The following ZPBP variants were observed in gnomAD, a reference collection of about 807,000 sequenced individuals.
ZPBP encodes zona pellucida binding protein.
Under a neutral mutation model 44.8 loss-of-function variants are expected in ZPBP, and 26 were observed. The ratio of observed to expected loss-of-function variants is 0.58; its 90% CI spans 0.43 to 0.81. The LOEUF is 0.81. ZPBP is among the 30% of genes least tolerant of loss of function. The pLI, the probability that ZPBP is intolerant of heterozygous loss-of-function variation, is 0.00. For synonymous variants in ZPBP, 174 were observed against 153.2 expected (o/e 1.14, Z -1.00); for missense variants, 409 against 434.0 (o/e 0.94, Z 0.51).
intron 6 of ZPBP, among the ~76,000 whole-genome samples, chr7:49,999,552 G>A (rs2128793646): frequency 6.6e-6 from 1 of 152,262 alleles, no homozygotes; most frequent in South Asian, 2.1e-4. Context: ...AGAAAAGCCA[G>A]TGGTGTAAAT....
At position 50,089,647 on chromosome 7, in the gene ZPBP, C is replaced by T; in HGVS notation, c.190G>A (p.Gly64Arg). 1 of 1,609,568 alleles carries T rather than the reference C, an allele frequency of 6.2e-7. No homozygotes were observed. Among genetic ancestry groups the T allele is most frequent in the Non-Finnish European group, 8.5e-7 (1 of 1,177,546 alleles). Residue 64 changes from glycine (G) to arginine (R), a missense_variant, in exon 2 of 8, where the codon GGA becomes AGA. By Grantham distance (125) the Gly-to-Arg change is moderately radical (BLOSUM62 -2). This residue lies in a region of ZPBP where 367 missense variants were observed against 363.1 expected (regional missense o/e 1.01). Transcript: ENST00000046087. Reference sequence around the variant, plus strand: ...TGAATACCTGGAAAACTTGTTGATCCCACTATTTTCACTGAATCTTTGGTC... The same window carrying T: ...TGAATACCTGGAAAACTTGTTGATCTCACTATTTTCACTGAATCTTTGGTC... ...RLTKDSVKIV[G>R]STSFPVKAYV...
intron 4 of ZPBP, among the ~76,000 whole-genome samples, chr7:50,036,345 T>C (rs148873670): frequency 0.024 from 3,658 of 152,182 alleles, 272 homozygotes; most frequent in Admixed American, 0.15. Flanking sequence ...AGAGACAGGG[T>C]TTCATCATAT....
chr7:49,907,829 T>C (rs760235866), intron 1 of ZPBP, among the ~76,000 whole-genome samples: 2 of 152,132 alleles, frequency 1.3e-5, no homozygotes, highest in Non-Finnish European at 2.9e-5. Flanking sequence ...CTGGAATCAA[T>C]AGAAAGGAAT....
intron 7 of ZPBP, among the ~76,000 whole-genome samples, chr7:49,970,965 G>C (rs1158369695): frequency 6.6e-6 from 1 of 152,062 alleles, no homozygotes; most frequent in Non-Finnish European, 1.5e-5. Context: ...GATCACTTGA[G>C]CCCAGGGGGT....
intron 6 of ZPBP, among the ~76,000 whole-genome samples, chr7:49,990,485 C>T (rs1173001079): frequency 7.9e-5 from 12 of 152,178 alleles, no homozygotes; most frequent in South Asian, 2.1e-4. Flanking sequence ...TGGGATGAGT[C>T]GCTCCCCTCT....
chr7:49,945,725 G>C (rs942364967), intron 7 of ZPBP, among the ~76,000 whole-genome samples: 17 of 151,798 alleles, frequency 1.1e-4, no homozygotes, highest in African/African-American at 4.1e-4. Context: ...CTATGTGTGT[G>C]TCCGTCTGGG....
intron 7 of ZPBP, among the ~76,000 whole-genome samples, chr7:49,976,974 C>T (rs565648423): frequency 6.2e-4 from 94 of 151,998 alleles, no homozygotes; most frequent in South Asian, 1.5e-3. Flanking sequence ...CGGTGGTGGG[C>T]GCCTGTAGTC....
chr7:50,034,741 A>G (rs1799752520), intron 4 of ZPBP, among the ~76,000 whole-genome samples: 2 of 152,200 alleles, frequency 1.3e-5, no homozygotes, highest in Non-Finnish European at 2.9e-5. Context: ...GATTCATTCA[A>G]TAAGATATGG....
intron 2 of ZPBP, among the ~76,000 whole-genome samples, chr7:49,851,338 T>C (rs1790172087): frequency 6.6e-6 from 1 of 152,210 alleles, no homozygotes; most frequent in African/African-American, 2.4e-5. Flanking sequence ...GCCTCATTCA[T>C]GGGTTCTCAG....
intron 1 of ZPBP, chr7:49,919,526 T>G (rs893934290): frequency 6.6e-6 from 1 of 152,180 alleles, no homozygotes; most frequent in Admixed American, 6.5e-5. Flanking sequence ...AGTTATACTC[T>G]GCAGTATACC....
intron 7 of ZPBP, among the ~76,000 whole-genome samples, chr7:49,982,234 AATATAATTATATT>A (rs1385854974): frequency 2.8e-5 from 3 of 106,038 alleles, no homozygotes; most frequent in Non-Finnish European, 5.3e-5. Flanking sequence ...TATAATATAT[AATATAATTATATT>A]ATATATTTAT....
At chr7:49,906,430 G>C (rs1393216475) in intron 1 of ZPBP, among the ~76,000 whole-genome samples, 2 of 152,158 alleles carry the variant, frequency 1.3e-5, no homozygotes, top group Non-Finnish European at 2.9e-5. Flanking sequence ...CTGCCTCCTG[G>C]GTTCACGCCA....
intron 6 of ZPBP, among the ~76,000 whole-genome samples, chr7:49,994,802 T>C (rs1797743471): frequency 6.6e-6 from 1 of 152,170 alleles, no homozygotes; most frequent in African/African-American, 2.4e-5. Context: ...ACATGGCACA[T>C]AAGCTTGTAC....
intron 1 of ZPBP, among the ~76,000 whole-genome samples, chr7:49,911,689 G>C (rs1031611396): frequency 6.6e-6 from 1 of 151,788 alleles, no homozygotes; most frequent in Non-Finnish European, 1.5e-5. Context: ...TTGAAGTCAG[G>C]AGTTCAAGAC....
intron 1 of ZPBP, among the ~76,000 whole-genome samples, chr7:49,903,999 G>T (rs1377024666): frequency 2.0e-5 from 3 of 152,108 alleles, no homozygotes; most frequent in African/African-American, 4.8e-5. Flanking sequence ...GGGAAGGCTG[G>T]TCACCCCACC....
rs531849648 is a variant in ZPBP, at chr7:50,009,023, C to G, written c.783+9217G>C. On this transcript the variant is annotated intron_variant, in intron 6 of 7. Transcript: ENST00000046087. The stretch of plus-strand genomic sequence containing the variant: ...CCAAGCTGTGTGGATCACCTGAGGT[C>G]AGGAGTTCAAGACCAGCCTGGCCAT... Among the ~76,000 whole-genome samples, 7 of 151,950 alleles carry G rather than the reference C, an allele frequency of 4.6e-5. No individual in the cohort carries two copies. In the East Asian group the frequency reaches 1.4e-3, roughly 29 times the overall value.
At chr7:50,077,566 G>A (rs1401359012) in intron 3 of ZPBP, among the ~76,000 whole-genome samples, 1 of 151,518 alleles carries the variant, frequency 6.6e-6, no homozygotes, top group East Asian at 1.9e-4. Context: ...CTAATAATCT[G>A]ACAAAGAAAA....
At position 50,010,889 on chromosome 7, in the gene ZPBP, T is replaced by C. The variant is rs1798536681; in HGVS notation, c.783+7351A>G. ...ATGGAACCAATATAAAGGCCCCACA[T>C]AGCCAAAGCAAGACCAAGCAAAAAA... is the stretch of plus-strand genomic sequence containing the variant. On this transcript the variant is annotated intron_variant, in intron 6 of 7. Transcript: ENST00000046087. 8.2e-5 allele frequency among the ~76,000 whole-genome samples: 8 copies of C among 97,254 alleles called. No individual in the cohort carries two copies. The South Asian group carries it at 2.6e-3, about 31-fold the overall frequency. 63.8% of individuals were successfully genotyped at this position (97,254 alleles called of 152,430 possible). A position where few individuals can be genotyped will look rare whatever the true frequency, so the allele number is the denominator to read the frequency against.
chr7:49,951,532 G>A (rs1039354032), intron 7 of ZPBP, among the ~76,000 whole-genome samples: 2 of 150,498 alleles, frequency 1.3e-5, no homozygotes, highest in Non-Finnish European at 3.0e-5. Context: ...ATACTAGAAT[G>A]GTTAAACTTT....
Sources: gnomAD v4.1 joint callset for allele counts (sites outside exome capture counted in the v4.1 genomes callset) on GRCh38, gnomAD v4.1.1 for gene constraint, gnomAD v4.1.1 regional missense constraint, MANE v1.5 for transcripts, NCBI Gene and HGNC (gene_info 2026-07-23, HGNC 2026-07-21) for gene names.